ST3GAL3: variants seen among roughly 807,000 people sequenced by gnomAD.
ST3GAL3 encodes ST3 beta-galactoside alpha-2,3-sialyltransferase 3.
In ST3GAL3, 21 loss-of-function variants were observed where a neutral mutation model predicts 50.1. That is an observed-to-expected ratio of 0.42 (90% CI 0.30 to 0.60). ST3GAL3 has a LOEUF of 0.60. Ranked by LOEUF, ST3GAL3 falls within the 20% of genes least tolerant of loss-of-function variation. The probability of loss-of-function intolerance (pLI) is 0.19; values close to 1 mark genes in which losing one functional copy is unlikely to be tolerated. For synonymous variants in ST3GAL3, 183 were observed against 190.0 expected (o/e 0.96, Z 0.30); for missense variants, 353 against 489.4 (o/e 0.72, Z 2.63).
At chr1:43,829,619 C>T (rs2063264224) in intron 4 of ST3GAL3, among the ~76,000 whole-genome samples, 2 of 152,122 alleles carry the variant, frequency 1.3e-5, no homozygotes, top group African/African-American at 4.8e-5. Flanking sequence ...ATTTGCAATT[C>T]CCAATATGTG....
chr1:43,857,586 C>CCCTTCCTTCCTTCCTTCCTT (rs1178598580), intron 5 of ST3GAL3, among the ~76,000 whole-genome samples: 8 of 86,000 alleles, frequency 9.3e-5, no homozygotes, highest in Admixed American at 2.5e-4. Context: ...CTTCCTCCCT[C>CCCTTCCTTCCTTCCTTCCTT]CCTTCCTTCC....
intron 4 of ST3GAL3, chr1:43,824,972 C>T: frequency 1.4e-6 from 1 of 713,206 alleles, no homozygotes; most frequent in Non-Finnish European, 2.6e-6. Context: ...GTCTCCACTT[C>T]CCCAGGTAAT....
intron 4 of ST3GAL3, among the ~76,000 whole-genome samples, chr1:43,826,183 G>A (rs553644814): frequency 4.6e-5 from 7 of 152,054 alleles, no homozygotes; most frequent in Non-Finnish European, 7.4e-5. Flanking sequence ...ACTTGAGCCC[G>A]AGAGGTCAAG....
At chr1:43,878,421 G>A (rs1186671307) in intron 5 of ST3GAL3, among the ~76,000 whole-genome samples, 1 of 152,246 alleles carries the variant, frequency 6.6e-6, no homozygotes, top group Non-Finnish European at 1.5e-5. Flanking sequence ...GGTGACAGGA[G>A]CAAGTTGCAT....
intron 2 of ST3GAL3, among the ~76,000 whole-genome samples, chr1:43,790,734 T>G (rs1572915853): frequency 6.6e-6 from 1 of 151,244 alleles, no homozygotes; most frequent in African/African-American, 2.4e-5. Flanking sequence ...CAGGTTCAAG[T>G]GCTTCTCCTG....
chr1:43,917,428 C>T (rs1210988584), intron 9 of ST3GAL3, among the ~76,000 whole-genome samples: 10 of 109,944 alleles, frequency 9.1e-5, no homozygotes, highest in African/African-American at 3.6e-4. Context: ...CCTCTCTATA[C>T]TATCTTGCAT....
chr1:43,895,705 G>A (rs1020331118), intron 6 of ST3GAL3, among the ~76,000 whole-genome samples: 4 of 152,110 alleles, frequency 2.6e-5, no homozygotes, highest in African/African-American at 7.2e-5. Context: ...TTGAACTGGC[G>A]CTTTGACCTC....
At chr1:43,923,305 G>A (rs1238116435) in intron 11 of ST3GAL3, among the ~76,000 whole-genome samples, 1 of 149,276 alleles carries the variant, frequency 6.7e-6, no homozygotes, top group Non-Finnish European at 1.5e-5. Flanking sequence ...CTCCATCTCA[G>A]ACAGCCTTCT....
intron 11 of ST3GAL3, among the ~76,000 whole-genome samples, chr1:43,928,113 G>A (rs1281676053): frequency 6.6e-6 from 1 of 152,172 alleles, no homozygotes; most frequent in African/African-American, 2.4e-5. Flanking sequence ...CAGAATAAGG[G>A]CTAGACAGAG....
intron 2 of ST3GAL3, among the ~76,000 whole-genome samples, chr1:43,783,244 A>G (rs1036328262): frequency 5.9e-5 from 9 of 152,198 alleles, no homozygotes; most frequent in Admixed American, 4.6e-4. Context: ...TGCCACCTGC[A>G]GGTCCCTGCC....
chr1:43,850,385 C>T, intron 5 of ST3GAL3: 1 of 557,894 alleles, frequency 1.8e-6, no homozygotes, highest in East Asian at 4.8e-5. Context: ...GGTATTTATG[C>T]CCTGCTAGTC....
intron 9 of ST3GAL3, among the ~76,000 whole-genome samples, chr1:43,900,100 A>G (rs1477700476): frequency 6.6e-6 from 1 of 151,414 alleles, no homozygotes; most frequent in Non-Finnish European, 1.5e-5. Context: ...CAATCTTTCT[A>G]CTTTCCTGCC....
At chr1:43,920,031 C>G (rs890351842) in intron 9 of ST3GAL3, 3 of 357,646 alleles carry the variant, frequency 8.4e-6, no homozygotes, top group African/African-American at 6.4e-5. Context: ...ACCTCCCAGC[C>G]CCTCAGCTGC....
At chr1:43,925,088 G>A (rs1002537368) in intron 11 of ST3GAL3, among the ~76,000 whole-genome samples, 4 of 151,986 alleles carry the variant, frequency 2.6e-5, no homozygotes, top group Admixed American at 6.6e-5. Flanking sequence ...TCAGGAGTTC[G>A]AGACCAGCCT....
chr1:43,723,408 C>T (rs895136636), intron 1 of ST3GAL3, among the ~76,000 whole-genome samples: 10 of 152,010 alleles, frequency 6.6e-5, no homozygotes, highest in Admixed American at 5.9e-4. Flanking sequence ...CACGCCCGGC[C>T]TTCCCTCCTC....
intron 9 of ST3GAL3, among the ~76,000 whole-genome samples, chr1:43,917,580 ACG>A (rs2082158176): frequency 1.3e-5 from 1 of 74,198 alleles, no homozygotes; most frequent in Non-Finnish European, 2.4e-5. Context: ...ATAATATATT[ACG>A]TATTATATAT....
intron 9 of ST3GAL3, among the ~76,000 whole-genome samples, chr1:43,910,055 G>A (rs2080524818): frequency 6.6e-6 from 1 of 152,172 alleles, no homozygotes; most frequent in Non-Finnish European, 1.5e-5. Context: ...CAGTTTTTTG[G>A]AAAGGAAATG....
At position 43,930,879 on chromosome 1, in the gene ST3GAL3, G is replaced by A. The variant is rs145131924; in HGVS notation, c.*658G>A. ...CCATCCCTTCGGAGCCAACAAGACC[G>A]CCCCAGGGCTATAGCAGAAAGAACT... is the stretch of plus-strand genomic sequence containing the variant. On this transcript the variant is annotated 3_prime_UTR_variant, in exon 12 of 12. Transcript: ENST00000347631. 1.6e-3 allele frequency: 262 copies of A among 163,422 alleles called. No individual in the cohort carries two copies. The highest frequency in any genetic ancestry group is 4.4e-3 in the African/African-American group (185 of 41,726). The allele number at this position is 163,422 out of a possible 1,614,324, so 10.1% of individuals were successfully genotyped here.
chr1:43,725,724 G>T lies in ST3GAL3; in HGVS notation c.-30-10509G>T, dbSNP rs111765730. Reference sequence around the variant, plus strand: ...TGTACTGGCATGGTCTCAGTTCACCGCAGCCTCCACTTCCCAGTCTTAAGT... The same window carrying T: ...TGTACTGGCATGGTCTCAGTTCACCTCAGCCTCCACTTCCCAGTCTTAAGT... On this transcript the variant is annotated intron_variant, in intron 1 of 11. Coordinates refer to ENST00000347631, the MANE Select transcript of ST3GAL3 (RefSeq NM_006279.5). Among the ~76,000 whole-genome samples the T allele has an allele frequency of 1.1e-3, 161 of 152,044 alleles. 4 individuals carry two copies. In the Middle Eastern group the frequency reaches 0.014, roughly 13 times the overall value.
Sources: gnomAD v4.1 joint callset for allele counts (sites outside exome capture counted in the v4.1 genomes callset) on GRCh38, gnomAD v4.1.1 for gene constraint, MANE v1.5 for transcripts, NCBI Gene and HGNC (gene_info 2026-07-23, HGNC 2026-07-21) for gene names.